The following GPD2 variants were observed in gnomAD, a reference collection of about 807,000 sequenced individuals.
GPD2 encodes glycerol-3-phosphate dehydrogenase 2.
GPD2 carries 54 observed loss-of-function variants against 82.4 expected under a neutral mutation model. The ratio of observed to expected loss-of-function variants is 0.66; its 90% CI spans 0.53 to 0.82. The LOEUF (loss-of-function observed/expected upper bound fraction) is 0.82. GPD2 is among the 40% of genes least tolerant of loss of function. GPD2 has a pLI of 0.00. For synonymous variants in GPD2, 288 were observed against 306.1 expected (o/e 0.94, Z 0.62); for missense variants, 748 against 896.2 (o/e 0.83, Z 2.11).
At chr2:156,494,869 CA>C (rs1205440015) in intron 2 of GPD2, among the ~76,000 whole-genome samples, 1 of 152,210 alleles carries the variant, frequency 6.6e-6, no homozygotes, top group African/African-American at 2.4e-5. Context: ...AAAAACCAAA[CA>C]CCATTTTCCT....
At chr2:156,523,725 A>G (rs774545602) in intron 6 of GPD2, among the ~76,000 whole-genome samples, 8 of 140,940 alleles carry the variant, frequency 5.7e-5, no homozygotes, top group Non-Finnish European at 1.1e-4. Context: ...TAGATATTTT[A>G]TGGAGATGGG....
At chr2:156,530,014 G>A (rs1359284898) in intron 6 of GPD2, among the ~76,000 whole-genome samples, 6 of 151,264 alleles carry the variant, frequency 4.0e-5, no homozygotes, top group Non-Finnish European at 5.9e-5. Context: ...CATTGAATCT[G>A]TAAATTACCT....
intron 6 of GPD2, among the ~76,000 whole-genome samples, chr2:156,543,471 C>T (rs1260476307): frequency 5.3e-5 from 8 of 152,192 alleles, no homozygotes; most frequent in Admixed American, 5.2e-4. Flanking sequence ...GCATTATAGA[C>T]TCAGTTCCTA....
the GPD2 span, among the ~76,000 whole-genome samples, chr2:156,408,404 G>C: frequency 6.6e-6 from 1 of 152,154 alleles, no homozygotes; most frequent in Non-Finnish European, 1.5e-5. Context: ...AAGAGGTCTT[G>C]AAAGCATCGC....
intron 1 of GPD2, among the ~76,000 whole-genome samples, chr2:156,448,233 G>A (rs1036762380): frequency 6.6e-6 from 1 of 151,416 alleles, no homozygotes; most frequent in Non-Finnish European, 1.5e-5. Flanking sequence ...TCAGCCTCCC[G>A]AGTAGCTGGG....
the GPD2 span, among the ~76,000 whole-genome samples, chr2:156,419,279 G>T: frequency 6.6e-6 from 1 of 151,900 alleles, no homozygotes; most frequent in South Asian, 2.1e-4. Flanking sequence ...GGCTGGTCTC[G>T]AACTCCCAGC....
At chr2:156,422,998 T>C in the GPD2 span, among the ~76,000 whole-genome samples, 2 of 152,220 alleles carry the variant, frequency 1.3e-5, no homozygotes, top group South Asian at 4.1e-4. Context: ...TTGATTGCTT[T>C]ATATGCCCCA....
At chr2:156,452,664 T>G (rs534034436) in intron 1 of GPD2, among the ~76,000 whole-genome samples, 1 of 152,292 alleles carries the variant, frequency 6.6e-6, no homozygotes, top group East Asian at 1.9e-4. Context: ...AAGGGAGGGT[T>G]TGTTAGAACT....
the GPD2 span, among the ~76,000 whole-genome samples, chr2:156,402,109 G>C: frequency 6.6e-6 from 1 of 152,212 alleles, no homozygotes; most frequent in African/African-American, 2.4e-5. Context: ...AGGAAGCTGA[G>C]GCTCGTAGAG....
intron 9 of GPD2, among the ~76,000 whole-genome samples, chr2:156,562,817 T>C (rs1000431898): frequency 2.0e-5 from 3 of 152,228 alleles, no homozygotes; most frequent in Non-Finnish European, 4.4e-5. Flanking sequence ...ACCCTTTACA[T>C]ATTACATTAC....
the GPD2 span, among the ~76,000 whole-genome samples, chr2:156,418,758 G>T: frequency 6.6e-6 from 1 of 152,188 alleles, no homozygotes; most frequent in Non-Finnish European, 1.5e-5. Flanking sequence ...ATGGGAGGGG[G>T]AAGAAGGGGA....
At chr2:156,405,914 G>A in the GPD2 span, among the ~76,000 whole-genome samples, 1 of 152,212 alleles carries the variant, frequency 6.6e-6, no homozygotes, top group Non-Finnish European at 1.5e-5. Flanking sequence ...TGGAGCACTT[G>A]CTCAAGGTAC....
the GPD2 span, among the ~76,000 whole-genome samples, chr2:156,409,436 T>G: frequency 6.6e-6 from 1 of 152,052 alleles, no homozygotes; most frequent in Non-Finnish European, 1.5e-5. Context: ...GTGGCTGACA[T>G]CATAATCCCA....
At chr2:156,577,006 A>G (rs4664827) in intron 13 of GPD2, among the ~76,000 whole-genome samples, 149,810 of 152,332 alleles carry the variant, frequency 0.98, 73,718 homozygotes, top group Middle Eastern at 1. Context: ...CAAGTTTTGT[A>G]TATGAGATAC....
the GPD2 span, among the ~76,000 whole-genome samples, chr2:156,407,367 A>G: frequency 6.6e-6 from 1 of 152,192 alleles, no homozygotes; most frequent in African/African-American, 2.4e-5. Flanking sequence ...CATACTATAC[A>G]TACTGTTATG....
Position 156,545,737 on chromosome 2 carries a change from T to C in GPD2, c.662-3871T>C, listed in dbSNP as rs534388689. Reference sequence around the variant, plus strand: ...CAGGTAGTTTTATACCTGTGTTTTTTTCATATTTACTCATTCTTCATACTC... The same window carrying C: ...CAGGTAGTTTTATACCTGTGTTTTTCTCATATTTACTCATTCTTCATACTC... On this transcript the variant is annotated intron_variant, in intron 6 of 16. Coordinates refer to ENST00000438166, the MANE Select transcript of GPD2 (RefSeq NM_000408.5). Among the ~76,000 whole-genome samples the C allele has an allele frequency of 1.1e-4, 16 of 152,318 alleles. 1 individual carries two copies. The highest frequency in any genetic ancestry group is 3.8e-4 in the African/African-American group (16 of 41,572).
chr2:156,582,720 A>G, intron 16 of GPD2, 73 bp from the exon 17 acceptor site: 6 of 1,530,434 alleles, frequency 3.9e-6, no homozygotes, highest in Non-Finnish European at 5.4e-6. Flanking sequence ...CTGCAATTCT[A>G]ACGATTATGA....
At chr2:156,550,841 C>G (rs571055514) in intron 8 of GPD2, 95 bp downstream of exon 8, 17 of 985,206 alleles carry the variant, frequency 1.7e-5, no homozygotes, top group Non-Finnish European at 2.1e-5. Context: ...AATAGATGGT[C>G]TAACTTGCTG....
In GPD2 at chr2:156,574,043, A is replaced by G. The variant is rs145409176; in HGVS notation, c.1767+2751A>G. ...GATCTTAAAATCTAATTGGGTTGTTATAACACATGTATAGCTCTGGCATTT... is the reference window on the plus strand; with the variant it reads ...GATCTTAAAATCTAATTGGGTTGTTGTAACACATGTATAGCTCTGGCATTT... On this transcript the variant is annotated intron_variant, in intron 13 of 16. Transcript: ENST00000438166. 8.1e-3 allele frequency among the ~76,000 whole-genome samples: 1,227 copies of G among 152,288 alleles called. 5 individuals carry two copies. The highest frequency in any genetic ancestry group is 0.012 in the Non-Finnish European group (804 of 67,998).
Sources: allele counts gnomAD v4.1 joint callset (sites outside exome capture counted in the v4.1 genomes callset), GRCh38; gene constraint gnomAD v4.1.1; transcripts MANE v1.5; gene names NCBI Gene and HGNC (gene_info 2026-07-23, HGNC 2026-07-21).